MECOM: variants seen among roughly 807,000 people sequenced by gnomAD.
The protein encoded by MECOM is MDS1 and EVI1 complex locus, also known as histone-lysine N-methyltransferase MECOM.
In MECOM, 13 loss-of-function variants were observed where a neutral mutation model predicts 116.3. The observed-to-expected ratio is 0.11, with a 90% CI of 0.07 to 0.18. MECOM has a LOEUF of 0.18. Among genes scored for constraint, MECOM ranks in the 10% least tolerant of loss-of-function variants. MECOM has a pLI of 1.00. For synonymous variants in MECOM, 528 were observed against 535.2 expected (o/e 0.99, Z 0.19); for missense variants, 1,299 against 1,509.0 (o/e 0.86, Z 2.31).
chr3:169,464,530 C>T (rs1012661549), intron 1 of MECOM, among the ~76,000 whole-genome samples: 1 of 151,968 alleles, frequency 6.6e-6, no homozygotes, highest in African/African-American at 2.4e-5. Flanking sequence ...TATTCACTCT[C>T]ATTCTACCTG....
intron 2 of MECOM, among the ~76,000 whole-genome samples, chr3:169,237,892 T>C (rs538849770): frequency 6.6e-6 from 1 of 152,202 alleles, no homozygotes; most frequent in South Asian, 2.1e-4. Context: ...GAAATTATTT[T>C]TGGTGCAGGC....
intron 1 of MECOM, among the ~76,000 whole-genome samples, chr3:169,436,152 A>G (rs1440937619): frequency 6.6e-6 from 1 of 151,892 alleles, no homozygotes; most frequent in Middle Eastern, 3.2e-3. Flanking sequence ...CTTTGTTTAC[A>G]TAGCTGAGGA....
chr3:169,194,517 C>T (rs973619388), intron 2 of MECOM, among the ~76,000 whole-genome samples: 2 of 151,914 alleles, frequency 1.3e-5, no homozygotes, highest in African/African-American at 4.8e-5. Flanking sequence ...TGTTTGTAAA[C>T]ATCTTAATAA....
chr3:169,323,697 A>T (rs1721306807), intron 2 of MECOM, among the ~76,000 whole-genome samples: 1 of 152,180 alleles, frequency 6.6e-6, no homozygotes, highest in South Asian at 2.1e-4. Flanking sequence ...CAAACAATGC[A>T]TCCTTGTTCC....
At chr3:169,105,334 A>C (rs964126068) in intron 10 of MECOM, among the ~76,000 whole-genome samples, 6 of 152,114 alleles carry the variant, frequency 3.9e-5, no homozygotes, top group Non-Finnish European at 5.9e-5. Flanking sequence ...ATATTGGATT[A>C]ACACGAACTC....
chr3:169,547,328 T>A (rs1225393889), intron 1 of MECOM, among the ~76,000 whole-genome samples: 1 of 152,212 alleles, frequency 6.6e-6, no homozygotes, highest in African/African-American at 2.4e-5. Flanking sequence ...CAGCAATGCT[T>A]CCTGTACAAC....
intron 1 of MECOM, among the ~76,000 whole-genome samples, chr3:169,393,095 A>G (rs1158148269): frequency 6.6e-6 from 1 of 152,102 alleles, no homozygotes; most frequent in African/African-American, 2.4e-5. Context: ...CAGAAGTTCT[A>G]TTGTGAATAG....
At chr3:169,499,434 T>G (rs558425373) in intron 1 of MECOM, among the ~76,000 whole-genome samples, 1 of 137,310 alleles carries the variant, frequency 7.3e-6, no homozygotes, top group East Asian at 2.1e-4. Context: ...TAAAAAACAA[T>G]GGACAAGTAT....
chr3:169,450,197 T>C (rs1315694621), intron 1 of MECOM, among the ~76,000 whole-genome samples: 1 of 152,202 alleles, frequency 6.6e-6, no homozygotes, highest in Admixed American at 6.5e-5. Context: ...TTCTGAAATA[T>C]GTGTCATGCT....
At chr3:169,573,745 T>C (rs2109467560) in intron 1 of MECOM, among the ~76,000 whole-genome samples, 1 of 152,286 alleles carries the variant, frequency 6.6e-6, no homozygotes, top group African/African-American at 2.4e-5. Flanking sequence ...TTTGAACTAA[T>C]AAAAACCATA....
intron 1 of MECOM, among the ~76,000 whole-genome samples, chr3:169,610,224 A>G (rs1259313381): frequency 6.6e-6 from 1 of 152,178 alleles, no homozygotes; most frequent in Non-Finnish European, 1.5e-5. Flanking sequence ...GTACATATAT[A>G]TGTATAAAAG....
intron 2 of MECOM, among the ~76,000 whole-genome samples, chr3:169,159,541 G>A (rs1000413651): frequency 6.6e-6 from 1 of 152,120 alleles, no homozygotes; most frequent in African/African-American, 2.4e-5. Context: ...CCGGGCAACA[G>A]TGCGAGATTC....
intron 2 of MECOM, among the ~76,000 whole-genome samples, chr3:169,163,865 T>C (rs1170995812): frequency 1.3e-5 from 2 of 152,096 alleles, no homozygotes; most frequent in Non-Finnish European, 2.9e-5. Context: ...TAATAAACAT[T>C]AGATTAATAA....
At chr3:169,142,388 A>G (rs1430273787) in intron 3 of MECOM, among the ~76,000 whole-genome samples, 1 of 151,952 alleles carries the variant, frequency 6.6e-6, no homozygotes, top group East Asian at 1.9e-4. Flanking sequence ...AAGGAGTATA[A>G]CATTAATTCA....
intron 1 of MECOM, among the ~76,000 whole-genome samples, chr3:169,590,844 A>G (rs1463151365): frequency 1.3e-5 from 2 of 152,260 alleles, no homozygotes; most frequent in South Asian, 2.1e-4. Flanking sequence ...TAGCTAAGAT[A>G]CTAATCTAGA....
chr3:169,602,991 C>T (rs182906488), intron 1 of MECOM, among the ~76,000 whole-genome samples: 58 of 152,296 alleles, frequency 3.8e-4, no homozygotes, highest in African/African-American at 1.3e-3. Flanking sequence ...ACAAATACCA[C>T]ATACACACAT....
chr3:169,348,149 G>A (rs1363671917), intron 2 of MECOM, among the ~76,000 whole-genome samples: 2 of 152,052 alleles, frequency 1.3e-5, no homozygotes, highest in African/African-American at 4.8e-5. Context: ...GAAAGCAGTG[G>A]TAGTGTATGT....
intron 2 of MECOM, among the ~76,000 whole-genome samples, chr3:169,255,566 C>A (rs191452463): frequency 1.1e-4 from 16 of 152,172 alleles, no homozygotes; most frequent in Admixed American, 4.6e-4. Context: ...ACTTTGACAT[C>A]ATTATAAGTA....
At chr3:169,433,832 G>A (rs1742179172) in intron 1 of MECOM, among the ~76,000 whole-genome samples, 1 of 152,134 alleles carries the variant, frequency 6.6e-6, no homozygotes, top group South Asian at 2.1e-4. Context: ...TGTGACTGTA[G>A]GGTGAGACCT....
Sources: allele counts gnomAD v4.1 joint callset (sites outside exome capture counted in the v4.1 genomes callset), GRCh38; gene constraint gnomAD v4.1.1; transcripts MANE v1.5; gene names NCBI Gene and HGNC (gene_info 2026-07-23, HGNC 2026-07-21).